The following GRIK2 variants were observed in gnomAD, a reference collection of about 807,000 sequenced individuals.
The protein encoded by GRIK2 is glutamate ionotropic receptor kainate type subunit 2.
GRIK2 carries 32 observed loss-of-function variants against 100.3 expected under a neutral mutation model. The observed-to-expected ratio is 0.32, with a 90% confidence interval of 0.24 to 0.43. The LOEUF (loss-of-function observed/expected upper bound fraction) is 0.43. GRIK2 is among the 20% of genes least tolerant of loss of function. The probability of loss-of-function intolerance (pLI) is 1.00; values close to 1 mark genes in which losing one functional copy is unlikely to be tolerated. For missense variants in GRIK2, 843 were observed against 1,114.9 expected (o/e 0.76, Z 3.47); for synonymous variants, 417 against 389.4 (o/e 1.07, Z -0.83).
At chr6:101,927,277 T>G in intron 13 of GRIK2, 1 of 507,220 alleles carries the variant, frequency 2.0e-6, no homozygotes, top group Non-Finnish European at 2.5e-6. Flanking sequence ...TGTTTTATTT[T>G]TTATTCCATC....
chr6:101,451,099 C>T (rs1482959990), intron 2 of GRIK2, among the ~76,000 whole-genome samples: 2 of 151,672 alleles, frequency 1.3e-5, no homozygotes, highest in African/African-American at 2.4e-5. Flanking sequence ...AATCATTCTT[C>T]ATCCTGTTTA....
intron 2 of GRIK2, among the ~76,000 whole-genome samples, chr6:101,508,548 A>G (rs1240735771): frequency 6.6e-6 from 1 of 152,138 alleles, no homozygotes; most frequent in Non-Finnish European, 1.5e-5. Flanking sequence ...TCATAAGCTT[A>G]TATATTATCC....
chr6:101,594,334 C>T (rs1778806752), intron 2 of GRIK2, among the ~76,000 whole-genome samples: 1 of 151,670 alleles, frequency 6.6e-6, no homozygotes, highest in Non-Finnish European at 1.5e-5. Flanking sequence ...TAGTATTTAA[C>T]ATGTAACTGA....
chr6:101,427,142 T>C (rs1769067355), intron 2 of GRIK2, among the ~76,000 whole-genome samples: 1 of 152,138 alleles, frequency 6.6e-6, no homozygotes, highest in Admixed American at 6.6e-5. Context: ...AATTACCACA[T>C]GGTATGGAAG....
At chr6:101,890,085 T>A (rs1297125003) in intron 12 of GRIK2, 1 of 452,144 alleles carries the variant, frequency 2.2e-6, no homozygotes, top group African/African-American at 2.0e-5. Flanking sequence ...ATAAGTGTTA[T>A]AGGGATTACT....
At chr6:101,825,730 GT>G (rs1782280829) in intron 10 of GRIK2, among the ~76,000 whole-genome samples, 2 of 151,904 alleles carry the variant, frequency 1.3e-5, no homozygotes, top group Non-Finnish European at 2.9e-5. Context: ...AGTATATTAA[GT>G]TTTGTATAAA....
intron 7 of GRIK2, among the ~76,000 whole-genome samples, chr6:101,783,946 GT>G (rs1278646222): frequency 6.6e-6 from 1 of 152,164 alleles, no homozygotes; most frequent in African/African-American, 2.4e-5. Context: ...CAAATAGATG[GT>G]TTGAAATTGG....
At chr6:101,708,953 A>G (rs984837675) in intron 7 of GRIK2, among the ~76,000 whole-genome samples, 1 of 151,832 alleles carries the variant, frequency 6.6e-6, no homozygotes, top group Non-Finnish European at 1.5e-5. Context: ...CTAATCCAAT[A>G]TAATTGATTT....
intron 14 of GRIK2, among the ~76,000 whole-genome samples, chr6:101,954,571 G>GTAT (rs1791798066): frequency 6.6e-6 from 1 of 151,906 alleles, no homozygotes; most frequent in Non-Finnish European, 1.5e-5. Context: ...TACTGCAGTG[G>GTAT]GTTAGAACTC....
chr6:101,752,586 ATAATT>A (rs1387377587), intron 7 of GRIK2, among the ~76,000 whole-genome samples: 1 of 152,226 alleles, frequency 6.6e-6, no homozygotes, highest in African/African-American at 2.4e-5. Flanking sequence ...TAGAACTACA[ATAATT>A]TAATCTTCTA....
chr6:101,526,433 CAT>C (rs570627680), intron 2 of GRIK2, among the ~76,000 whole-genome samples: 3 of 152,134 alleles, frequency 2.0e-5, no homozygotes, highest in African/African-American at 2.4e-5. Context: ...AAAAAATAAA[CAT>C]AAATTAGTTT....
At chr6:101,475,192 G>T (rs937498523) in intron 2 of GRIK2, among the ~76,000 whole-genome samples, 3 of 151,842 alleles carry the variant, frequency 2.0e-5, no homozygotes, top group African/African-American at 7.2e-5. Flanking sequence ...ACTGACACAC[G>T]TTTAGAGAAG....
intron 15 of GRIK2, among the ~76,000 whole-genome samples, chr6:102,051,255 T>TCCTTCTTTCCTTCCTC (rs1771170667): frequency 4.1e-5 from 2 of 48,818 alleles, no homozygotes; most frequent in African/African-American, 1.7e-4. Flanking sequence ...CTCCCTCCCT[T>TCCTTCTTTCCTTCCTC]CCTTCCTTCC....
At chr6:101,795,805 C>T (rs1288673769) in intron 7 of GRIK2, among the ~76,000 whole-genome samples, 4 of 152,154 alleles carry the variant, frequency 2.6e-5, no homozygotes, top group African/African-American at 7.2e-5. Flanking sequence ...TGGGCCTGCC[C>T]TTAGTGTCCC....
chr6:101,608,835 G>C (rs1289434656), intron 2 of GRIK2, among the ~76,000 whole-genome samples: 2 of 148,022 alleles, frequency 1.4e-5, no homozygotes, highest in African/African-American at 5.0e-5. Flanking sequence ...GTGTGTGTGT[G>C]TCTCACTCTC....
At chr6:101,635,880 G>A (rs1346065737) in intron 4 of GRIK2, among the ~76,000 whole-genome samples, 2 of 152,152 alleles carry the variant, frequency 1.3e-5, no homozygotes, top group East Asian at 1.9e-4. Context: ...TGGAGAAATA[G>A]CAATGCTTTT....
At chr6:101,878,912 A>C (rs551094872) in intron 11 of GRIK2, among the ~76,000 whole-genome samples, 16 of 152,076 alleles carry the variant, frequency 1.1e-4, no homozygotes, top group African/African-American at 3.9e-4. Flanking sequence ...TACTGTTATA[A>C]ACTCAAAAAT....
chr6:101,495,369 GGT>G, intron 2 of GRIK2, among the ~76,000 whole-genome samples: 1 of 152,030 alleles, frequency 6.6e-6, no homozygotes, highest in Admixed American at 6.6e-5. Flanking sequence ...AGCCAGGCGT[GGT>G]GGCGGGCACC....
chr6:101,510,975 A>G (rs200322937), intron 2 of GRIK2, among the ~76,000 whole-genome samples: 1 of 152,204 alleles, frequency 6.6e-6, no homozygotes, highest in East Asian at 1.9e-4. Flanking sequence ...CTTTTTTATA[A>G]CACAAAGCAT....
Sources: gnomAD v4.1 joint callset for allele counts (sites outside exome capture counted in the v4.1 genomes callset) on GRCh38, gnomAD v4.1.1 for gene constraint, MANE v1.5 for transcripts, NCBI Gene and HGNC (gene_info 2026-07-23, HGNC 2026-07-21) for gene names.